The following LSAMP variants were observed in gnomAD, a reference collection of about 807,000 sequenced individuals.
LSAMP encodes the protein limbic system-associated membrane protein.
A neutral mutation model predicts 38.6 loss-of-function variants in LSAMP; 7 were observed. The ratio of observed to expected loss-of-function variants is 0.18; its 90% CI spans 0.10 to 0.34. The LOEUF (loss-of-function observed/expected upper bound fraction) is 0.34, where lower values mean the gene tolerates loss of function less well. Ranked by LOEUF, LSAMP falls within the 10% of genes least tolerant of loss-of-function variation. The pLI is 1.00. For missense variants in LSAMP, 313 were observed against 420.0 expected (o/e 0.75, Z 2.23); for synonymous variants, 154 against 166.8 (o/e 0.92, Z 0.59).
chr3:116,245,385 A>G (rs1277969104), intron 1 of LSAMP, among the ~76,000 whole-genome samples: 1 of 152,182 alleles, frequency 6.6e-6, no homozygotes, highest in Non-Finnish European at 1.5e-5. Flanking sequence ...CAGACAAATA[A>G]TCTGATCATG....
chr3:116,415,000 C>A (rs1260844277), intron 1 of LSAMP, among the ~76,000 whole-genome samples: 2 of 152,002 alleles, frequency 1.3e-5, no homozygotes, highest in Non-Finnish European at 2.9e-5. Context: ...AACTCCCTAT[C>A]AGACCTCATT....
rs529793409 is a variant in LSAMP, at chr3:116,141,871, A to G, written c.156-55315T>C. The stretch of plus-strand genomic sequence containing the variant: ...TGTGGACTATCCTCAAGGAAAGAAT[A>G]TGACTTAGGCAAGTGATTGTCTTTT... On this transcript the variant is annotated intron_variant, in intron 1 of 6. Transcript: ENST00000490035. Among the ~76,000 whole-genome samples the G allele has an allele frequency of 3.9e-5, 6 of 152,112 alleles. No homozygotes were observed. The East Asian group carries it at 9.7e-4, about 25-fold the overall frequency.
At chr3:116,279,056 C>T (rs907933762) in intron 1 of LSAMP, among the ~76,000 whole-genome samples, 1 of 152,130 alleles carries the variant, frequency 6.6e-6, no homozygotes, top group Non-Finnish European at 1.5e-5. Flanking sequence ...ATTCTTTTTG[C>T]TAGTACTTGC....
At chr3:116,120,037 G>T (rs1708839940) in intron 1 of LSAMP, among the ~76,000 whole-genome samples, 1 of 152,114 alleles carries the variant, frequency 6.6e-6, no homozygotes, top group Admixed American at 6.5e-5. Context: ...ACAATCTTAG[G>T]ATAAAATTTT....
chr3:116,343,997 AG>A (rs2048031032), intron 1 of LSAMP, among the ~76,000 whole-genome samples: 1 of 152,156 alleles, frequency 6.6e-6, no homozygotes. Context: ...CACAATATTT[AG>A]GTAATATTCA....
intron 1 of LSAMP, among the ~76,000 whole-genome samples, chr3:116,391,328 G>A (rs2048693495): frequency 6.6e-6 from 1 of 152,082 alleles, no homozygotes; most frequent in Admixed American, 6.5e-5. Flanking sequence ...CGAGGCCGCT[G>A]ACTGCGCTGT....
chr3:115,991,693 A>C (rs9866854), intron 3 of LSAMP, among the ~76,000 whole-genome samples: 4,991 of 152,122 alleles, frequency 0.033, 250 homozygotes, highest in African/African-American at 0.11. Flanking sequence ...GCTTGTAGCC[A>C]CTCTGTCTAA....
chr3:116,108,808 A>G (rs1708530241), intron 1 of LSAMP, among the ~76,000 whole-genome samples: 1 of 152,062 alleles, frequency 6.6e-6, no homozygotes, highest in Non-Finnish European at 1.5e-5. Flanking sequence ...GTTCTGGAGG[A>G]ACGCCTGGCC....
chr3:116,385,713 T>A (rs114435518), intron 1 of LSAMP, among the ~76,000 whole-genome samples: 1,587 of 152,308 alleles, frequency 0.01, 38 homozygotes, highest in African/African-American at 0.037. Context: ...TGCTTATTTT[T>A]AAATATCTAT....
chr3:116,305,019 C>T (rs1375421854), intron 1 of LSAMP, among the ~76,000 whole-genome samples: 4 of 152,072 alleles, frequency 2.6e-5, no homozygotes, highest in African/African-American at 9.7e-5. Context: ...TTTAAGACTT[C>T]CAGATGGTAC....
chr3:115,883,694 T>C (rs1379115240), intron 3 of LSAMP, among the ~76,000 whole-genome samples: 1 of 151,962 alleles, frequency 6.6e-6, no homozygotes, highest in Non-Finnish European at 1.5e-5. Context: ...TGAAGGGGAG[T>C]AATCCTGCCT....
intron 3 of LSAMP, among the ~76,000 whole-genome samples, chr3:115,979,740 A>T (rs1246777172): frequency 6.6e-6 from 1 of 152,120 alleles, no homozygotes; most frequent in Non-Finnish European, 1.5e-5. Flanking sequence ...TCTGATCACC[A>T]TACATCAAGT....
At chr3:116,159,725 G>T (rs1709837108) in intron 1 of LSAMP, among the ~76,000 whole-genome samples, 1 of 151,974 alleles carries the variant, frequency 6.6e-6, no homozygotes, top group South Asian at 2.1e-4. Context: ...ACCATTATTG[G>T]ATATACACAT....
chr3:116,317,419 G>A (rs1269763575), intron 1 of LSAMP, among the ~76,000 whole-genome samples: 1 of 150,852 alleles, frequency 6.6e-6, no homozygotes, highest in Non-Finnish European at 1.5e-5. Context: ...GCAGTGGCGC[G>A]ATCTCGGCTC....
intron 1 of LSAMP, among the ~76,000 whole-genome samples, chr3:116,314,472 C>T (rs1334931729): frequency 2.0e-5 from 3 of 152,036 alleles, no homozygotes; most frequent in Admixed American, 6.5e-5. Context: ...TTTTCAGTAA[C>T]GTTAAAAAGA....
chr3:116,241,838 T>C (rs1380242042), intron 1 of LSAMP, among the ~76,000 whole-genome samples: 1 of 152,184 alleles, frequency 6.6e-6, no homozygotes, highest in Non-Finnish European at 1.5e-5. Context: ...CTCACCACTA[T>C]CACTGTTAGA....
chr3:116,444,764 G>A (rs1010283907), intron 1 of LSAMP, 113 bp downstream of exon 1: 13 of 1,339,194 alleles, frequency 9.7e-6, no homozygotes, highest in Non-Finnish European at 1.4e-5. Flanking sequence ...TGCAGCATCA[G>A]GAGCTGGAGT....
chr3:116,109,525 G>T (rs910203994), intron 1 of LSAMP, among the ~76,000 whole-genome samples: 23 of 152,162 alleles, frequency 1.5e-4, no homozygotes, highest in African/African-American at 5.3e-4. Context: ...GTAAAAGAAT[G>T]CCTGGACGTC....
chr3:116,093,240 G>T (rs1708161727), intron 1 of LSAMP, among the ~76,000 whole-genome samples: 1 of 152,174 alleles, frequency 6.6e-6, no homozygotes, highest in Non-Finnish European at 1.5e-5. Flanking sequence ...TAGGGAGGGG[G>T]TGTTGCTATT....
Sources: allele counts gnomAD v4.1 joint callset (sites outside exome capture counted in the v4.1 genomes callset), GRCh38; gene constraint gnomAD v4.1.1; transcripts MANE v1.5; gene names NCBI Gene and HGNC (gene_info 2026-07-23, HGNC 2026-07-21).